The following TRIM2 variants were observed in gnomAD, a reference collection of about 807,000 sequenced individuals.
TRIM2 encodes the protein tripartite motif containing 2.
Under a neutral mutation model 75.2 loss-of-function variants are expected in TRIM2, and 20 were observed. The observed-to-expected ratio is 0.27, with a 90% confidence interval of 0.19 to 0.39. The LOEUF (loss-of-function observed/expected upper bound fraction) is 0.39. TRIM2 is among the 10% of genes least tolerant of loss of function. TRIM2 has a pLI of 1.00. For synonymous variants in TRIM2, 373 were observed against 388.3 expected (o/e 0.96, Z 0.46); for missense variants, 660 against 990.8 (o/e 0.67, Z 4.48).
chr4:153,327,223 G>A (rs887193427), intron 10 of TRIM2, among the ~76,000 whole-genome samples: 4 of 152,148 alleles, frequency 2.6e-5, no homozygotes, highest in African/African-American at 9.7e-5. Flanking sequence ...AAGGTGGCTT[G>A]CTTTCTTGGC....
chr4:153,317,908 C>T (rs988691729), intron 8 of TRIM2, among the ~76,000 whole-genome samples: 1 of 151,220 alleles, frequency 6.6e-6, no homozygotes, highest in Admixed American at 6.6e-5. Flanking sequence ...TGCAGTCACC[C>T]GTGACTACAC....
chr4:153,203,126 A>AAAAAAAG (rs1553962330), upstream of TRIM2, among the ~76,000 whole-genome samples: 1 of 143,810 alleles, frequency 7.0e-6, no homozygotes. Flanking sequence ...AAAAAAAAAA[A>AAAAAAAG]AGTGGAATTT....
In TRIM2 at chr4:153,324,317, A is replaced by G. The variant is rs928095931; in HGVS notation, c.2022+169A>G. On this transcript the variant is annotated intron_variant, in intron 10 of 11. Coordinates refer to ENST00000338700, the MANE Select transcript of TRIM2 (RefSeq NM_015271.5). ...TTTAACTTGGACTTACAGACCTTGG[A>G]AAGTCAGGAAATTGAATAAAATGTG... 6 of 478,014 alleles carry G rather than the reference A, an allele frequency of 1.3e-5. No individual in the cohort carries two copies. In the Admixed American group the frequency reaches 1.4e-4, roughly 11 times the overall value. The allele number at this position is 478,014 out of a possible 1,614,324, so 29.6% of individuals were successfully genotyped here. A position where few individuals can be genotyped will look rare whatever the true frequency, so the allele number is the denominator to read the frequency against.
At chr4:153,249,841 A>G (rs1467374804) in intron 1 of TRIM2, among the ~76,000 whole-genome samples, 1 of 152,238 alleles carries the variant, frequency 6.6e-6, no homozygotes, top group Non-Finnish European at 1.5e-5. Context: ...ACAATACTTG[A>G]TACCGATGTG....
At chr4:153,178,576 A>C (rs9995286) in intron 1 of TRIM2, among the ~76,000 whole-genome samples, 54,773 of 151,970 alleles carry the variant, frequency 0.36, 10,001 homozygotes, top group East Asian at 0.46. Context: ...ACTATGCTAG[A>C]TAATAAACAG....
intron 1 of TRIM2, among the ~76,000 whole-genome samples, chr4:153,253,029 C>T (rs1030530567): frequency 3.2e-4 from 48 of 152,198 alleles, no homozygotes; most frequent in African/African-American, 1.2e-3. Flanking sequence ...AAGATGGAAC[C>T]TTCAACAGTT....
chr4:153,267,042 C>A (rs962455240), intron 1 of TRIM2: 2 of 151,528 alleles, frequency 1.3e-5, no homozygotes, highest in African/African-American at 4.8e-5. Context: ...AAAGTTGACA[C>A]GCTTTTTTAA....
At chr4:153,207,272 G>A (rs112994841) in intron 1 of TRIM2, among the ~76,000 whole-genome samples, 2,007 of 152,290 alleles carry the variant, frequency 0.013, 37 homozygotes, top group African/African-American at 0.044. Flanking sequence ...ACACTGGTAG[G>A]CCTATGCGGT....
intron 1 of TRIM2, among the ~76,000 whole-genome samples, chr4:153,250,471 A>C (rs1750598084): frequency 6.6e-6 from 1 of 152,178 alleles, no homozygotes; most frequent in Non-Finnish European, 1.5e-5. Context: ...GAGTAATGCT[A>C]GAGAAGGAAT....
At chr4:153,179,490 C>G (rs761472249) in intron 1 of TRIM2, among the ~76,000 whole-genome samples, 3 of 152,122 alleles carry the variant, frequency 2.0e-5, no homozygotes, top group Non-Finnish European at 4.4e-5. Context: ...TGCCACCTAC[C>G]TGCTTCACTC....
At chr4:153,201,751 G>A (rs1193089652), upstream of TRIM2, among the ~76,000 whole-genome samples, 1 of 152,056 alleles carries the variant, frequency 6.6e-6, no homozygotes, top group East Asian at 1.9e-4. Flanking sequence ...CCAATTTATC[G>A]ATTTTTTTCT....
chr4:153,334,698 C>G, intron 11 of TRIM2, 116 bp from the exon 12 acceptor site: 2 of 1,001,256 alleles, frequency 2.0e-6, no homozygotes, highest in Non-Finnish European at 2.9e-6. Flanking sequence ...AGAGTGAGAC[C>G]CTGTCAAAAA....
chr4:153,202,525 A>T (rs1171203134), upstream of TRIM2, among the ~76,000 whole-genome samples: 1 of 151,484 alleles, frequency 6.6e-6, no homozygotes, highest in Non-Finnish European at 1.5e-5. Context: ...ACTCTACTAA[A>T]AAATAAATAA....
In TRIM2 at chr4:153,293,047, C is replaced by G; in HGVS notation, c.519C>G (p.His173Gln). The part of the protein sequence containing the change: ...AMCRECTEGE[H>Q]AEHPTVPLKD... Reference sequence around the variant, plus strand: ...GTCGGGAGTGCACGGAGGGGGAGCACGCAGAGCACCCCACAGTTCCACTCA... The same window carrying G: ...GTCGGGAGTGCACGGAGGGGGAGCAGGCAGAGCACCCCACAGTTCCACTCA... Residue 173 changes from histidine (H) to glutamine (Q), a missense_variant, in exon 4 of 12, where the codon CAC becomes CAG. Coordinates refer to ENST00000338700, the MANE Select transcript of TRIM2 (RefSeq NM_015271.5). The G allele has an allele frequency of 6.2e-7, 1 of 1,613,846 alleles. No homozygotes were observed. The highest frequency in any genetic ancestry group is 8.5e-7 in the Non-Finnish European group (1 of 1,179,812).
At chr4:153,314,755 C>A (rs570020022) in intron 6 of TRIM2, among the ~76,000 whole-genome samples, 1 of 152,170 alleles carries the variant, frequency 6.6e-6, no homozygotes, top group Non-Finnish European at 1.5e-5. Flanking sequence ...TGAAAATAAT[C>A]TATAAGTAAA....
intron 1 of TRIM2, among the ~76,000 whole-genome samples, chr4:153,191,288 T>A (rs1235256723): frequency 6.6e-6 from 1 of 152,212 alleles, no homozygotes; most frequent in East Asian, 1.9e-4. Context: ...CTTTTCCAGA[T>A]CAGTCATCTA....
intron 1 of TRIM2, among the ~76,000 whole-genome samples, chr4:153,211,599 C>T (rs968429019): frequency 2.0e-5 from 3 of 151,558 alleles, no homozygotes; most frequent in Non-Finnish European, 4.4e-5. Context: ...GATTCTCCCA[C>T]CTTAGCCTCC....
At chr4:153,303,405 G>A (rs1039307431) in intron 6 of TRIM2, among the ~76,000 whole-genome samples, 4 of 151,632 alleles carry the variant, frequency 2.6e-5, no homozygotes, top group Non-Finnish European at 4.4e-5. Flanking sequence ...CCCAGGAGGC[G>A]GAGATTGCAG....
intron 3 of TRIM2, among the ~76,000 whole-genome samples, chr4:153,284,424 G>A (rs1022208063): frequency 2.7e-5 from 4 of 150,372 alleles, no homozygotes; most frequent in South Asian, 4.2e-4. Flanking sequence ...GGCTGGTCTT[G>A]AATTCCTGGC....
Sources: allele counts gnomAD v4.1 joint callset (sites outside exome capture counted in the v4.1 genomes callset), GRCh38; gene constraint gnomAD v4.1.1; transcripts MANE v1.5; gene names NCBI Gene and HGNC (gene_info 2026-07-23, HGNC 2026-07-21).